The following CDK6 variants were observed in gnomAD, a reference collection of about 807,000 sequenced individuals.
The protein encoded by CDK6 is cyclin-dependent kinase 6.
CDK6 carries 6 observed loss-of-function variants against 37.1 expected under a neutral mutation model. The ratio of observed to expected loss-of-function variants is 0.16; its 90% CI spans 0.09 to 0.32. CDK6 has a LOEUF of 0.32. Among genes scored for constraint, CDK6 ranks in the 10% least tolerant of loss-of-function variants. CDK6 has a pLI of 1.00. For synonymous variants in CDK6, 160 were observed against 161.3 expected, an observed-to-expected ratio of 0.99 and a Z score of 0.06; for missense variants, 224 against 418.9, an observed-to-expected ratio of 0.53 and a Z score of 4.06.
intron 3 of CDK6, among the ~76,000 whole-genome samples, chr7:92,746,524 A>G (rs1161665303): frequency 1.3e-5 from 2 of 152,202 alleles, no homozygotes; most frequent in African/African-American, 4.8e-5. Flanking sequence ...TATGTGTATA[A>G]AGCATAAATG....
chr7:92,755,860 A>T (rs891923180), intron 3 of CDK6, among the ~76,000 whole-genome samples: 1 of 152,140 alleles, frequency 6.6e-6, no homozygotes, highest in African/African-American at 2.4e-5. Flanking sequence ...CCTCTAGCTA[A>T]CTACCACAGA....
intron 4 of CDK6, among the ~76,000 whole-genome samples, chr7:92,722,684 C>G (rs139793215): frequency 2.4e-3 from 367 of 152,256 alleles, no homozygotes; most frequent in African/African-American, 8.6e-3. Context: ...AAATGTATAA[C>G]ATAGCTCCTT....
intron 2 of CDK6, among the ~76,000 whole-genome samples, chr7:92,780,244 T>TA (rs1799953159): frequency 6.6e-6 from 1 of 152,162 alleles, no homozygotes; most frequent in Non-Finnish European, 1.5e-5. Flanking sequence ...AGTGCTGGGA[T>TA]TACAGGCGTG....
chr7:92,711,552 A>ATTTTTTTTTTTTTTTTTTTTTT (rs11285626), intron 4 of CDK6, among the ~76,000 whole-genome samples: 2 of 56,614 alleles, frequency 3.5e-5, no homozygotes, highest in African/African-American at 1.6e-4. Flanking sequence ...GAATGGTCAA[A>ATTTTTTTTTTTTTTTTTTTTTT]TTTTTTTTTT....
intron 2 of CDK6, among the ~76,000 whole-genome samples, chr7:92,829,939 T>A (rs753778125): frequency 1.3e-5 from 2 of 152,260 alleles, no homozygotes; most frequent in Admixed American, 1.3e-4. Context: ...TTCATTGCTA[T>A]ATCCCCACCT....
At chr7:92,673,012 A>C (rs983883169) in intron 4 of CDK6, among the ~76,000 whole-genome samples, 15 of 152,206 alleles carry the variant, frequency 9.9e-5, no homozygotes, top group African/African-American at 3.6e-4. Context: ...GTAATGTCTG[A>C]GACTACCAAT....
At chr7:92,776,533 A>G (rs966654698) in intron 2 of CDK6, among the ~76,000 whole-genome samples, 2 of 152,234 alleles carry the variant, frequency 1.3e-5, no homozygotes, top group Non-Finnish European at 2.9e-5. Context: ...CCAACAGTGT[A>G]AAAGCATTCC....
chr7:92,664,041 T>C (rs1415875545), intron 5 of CDK6, among the ~76,000 whole-genome samples: 1 of 151,936 alleles, frequency 6.6e-6, no homozygotes, highest in Non-Finnish European at 1.5e-5. Context: ...CTCAGGAGGC[T>C]GAGGCAGGAG....
At position 92,816,889 on chromosome 7, in the gene CDK6, C is replaced by T. The variant is rs891299405; in HGVS notation, c.233+16202G>A. 3.9e-5 allele frequency among the ~76,000 whole-genome samples: 6 copies of T among 151,908 alleles called. No homozygotes were observed. The South Asian group carries it at 1.2e-3, about 32-fold the overall frequency. Reference sequence around the variant, plus strand: ...AGAGTGGACATCACTACATATTCTACAGACATTAAAAAAGATAAGGAGTTA... The same window carrying T: ...AGAGTGGACATCACTACATATTCTATAGACATTAAAAAAGATAAGGAGTTA... On this transcript the variant is annotated intron_variant, in intron 2 of 7. Coordinates refer to ENST00000424848, the MANE Select transcript of CDK6 (RefSeq NM_001145306.2).
Position 92,606,061 on chromosome 7 carries a change from A to G in CDK6, c.*9079T>C, listed in dbSNP as rs1795420567. On this transcript the variant is annotated 3_prime_UTR_variant, in exon 8 of 8. Transcript: ENST00000424848. ...GAATAAGAATAATTATGCACCTTTAAGGAACATGCACCCTTATAAGTCTGT... is the reference window on the plus strand; with the variant it reads ...GAATAAGAATAATTATGCACCTTTAGGGAACATGCACCCTTATAAGTCTGT... 2 of 233,600 alleles carry G rather than the reference A, an allele frequency of 8.6e-6. No homozygotes were observed. The highest frequency in any genetic ancestry group is 5.6e-5 in the Admixed American group (1 of 17,786). The allele number at this position is 233,600 out of a possible 1,614,324, so 14.5% of individuals were successfully genotyped here. A position where few individuals can be genotyped will look rare whatever the true frequency, so the allele number is the denominator to read the frequency against.
chr7:92,727,249 C>G (rs905847786), intron 3 of CDK6, among the ~76,000 whole-genome samples: 1 of 152,066 alleles, frequency 6.6e-6, no homozygotes, highest in African/African-American at 2.4e-5. Context: ...TGACTGGGTA[C>G]CACCATGGAT....
intron 5 of CDK6, among the ~76,000 whole-genome samples, chr7:92,665,986 T>C (rs1360014377): frequency 6.6e-6 from 1 of 152,224 alleles, no homozygotes; most frequent in Non-Finnish European, 1.5e-5. Flanking sequence ...TTTAAGCAGA[T>C]AATGCACATG....
intron 4 of CDK6, among the ~76,000 whole-genome samples, chr7:92,695,767 C>T (rs568751370): frequency 6.6e-6 from 1 of 152,242 alleles, no homozygotes; most frequent in South Asian, 2.1e-4. Context: ...GTGGGGAAGG[C>T]AGGCTGAAAG....
At chr7:92,622,991 T>C in intron 6 of CDK6, 45 bp downstream of exon 6, 1 of 1,220,056 alleles carries the variant, frequency 8.2e-7, no homozygotes, top group Non-Finnish European at 1.2e-6. Context: ...ACTGTAAATG[T>C]TTTAATGCTA....
intron 2 of CDK6, among the ~76,000 whole-genome samples, chr7:92,805,177 G>A (rs1367490032): frequency 6.6e-6 from 1 of 152,074 alleles, no homozygotes; most frequent in East Asian, 1.9e-4. Flanking sequence ...GCTAGACTTG[G>A]GATGAGTTGG....
chr7:92,726,554 G>C (rs1798516992), intron 3 of CDK6, among the ~76,000 whole-genome samples: 1 of 152,080 alleles, frequency 6.6e-6, no homozygotes, highest in Non-Finnish European at 1.5e-5. Flanking sequence ...GGGACCACAG[G>C]TGCATGCCAC....
intron 4 of CDK6, among the ~76,000 whole-genome samples, chr7:92,698,720 T>G (rs1194342762): frequency 6.6e-6 from 1 of 152,222 alleles, no homozygotes; most frequent in Non-Finnish European, 1.5e-5. Flanking sequence ...ACTGCACCAT[T>G]GTTCCCAGAG....
At chr7:92,649,208 T>A (rs1201834388) in intron 5 of CDK6, among the ~76,000 whole-genome samples, 1 of 152,240 alleles carries the variant, frequency 6.6e-6, no homozygotes, top group African/African-American at 2.4e-5. Flanking sequence ...ACCGATCATT[T>A]CACAGCATGC....
Position 92,835,629 on chromosome 7 carries a change from G to A in CDK6, c.-368+849C>T, listed in dbSNP as rs544756929. Among the ~76,000 whole-genome samples the A allele has an allele frequency of 1.3e-5, 2 of 152,298 alleles. No individual in the cohort carries two copies. The highest frequency in any genetic ancestry group is 1.3e-4 in the Admixed American group (2 of 15,304). On this transcript the variant is annotated intron_variant, in intron 1 of 7. Transcript: ENST00000424848. This position sits in a 1 kb window ranked among gnomAD's most constrained non-coding sequence, Gnocchi z 4.2. ...CTTCTGCTTTCTGTCTCTGCTCTCT[G>A]TCTTCACACTCAATGAAATCCTTCA...
Sources: gnomAD v4.1 joint callset for allele counts (sites outside exome capture counted in the v4.1 genomes callset) on GRCh38, gnomAD v4.1.1 for gene constraint, Gnocchi (gnomAD v3.1) non-coding constraint, MANE v1.5 for transcripts, NCBI Gene and HGNC (gene_info 2026-07-23, HGNC 2026-07-21) for gene names.